The following TUT7 variants were observed in gnomAD, a reference collection of about 807,000 sequenced individuals.
TUT7 encodes the protein terminal uridylyl transferase 7.
TUT7 carries 33 observed loss-of-function variants against 165.9 expected under a neutral mutation model. The ratio of observed to expected loss-of-function variants is 0.20; its 90% CI spans 0.15 to 0.27. The LOEUF (loss-of-function observed/expected upper bound fraction) is 0.27. TUT7 is among the 10% of genes least tolerant of loss of function. The probability of loss-of-function intolerance (pLI) is 1.00; values close to 1 mark genes in which losing one functional copy is unlikely to be tolerated. For synonymous variants in TUT7, 552 were observed against 608.1 expected (o/e 0.91, Z 1.36); for missense variants, 1,338 against 1,762.3 (o/e 0.76, Z 4.31).
intron 6 of TUT7, among the ~76,000 whole-genome samples, chr9:86,342,592 T>C (rs768324307): frequency 2.6e-5 from 4 of 152,170 alleles, no homozygotes; most frequent in Non-Finnish European, 5.9e-5. Flanking sequence ...TTTAAAATTC[T>C]AACTCATCAA....
intron 2 of TUT7, among the ~76,000 whole-genome samples, chr9:86,346,985 C>A (rs936999617): frequency 3.3e-5 from 5 of 152,142 alleles, no homozygotes; most frequent in Non-Finnish European, 7.4e-5. Context: ...CTGGACAACT[C>A]AGAAATCAAC....
chr9:86,346,499 T>C lies in TUT7; in HGVS notation c.521-19A>G, dbSNP rs199554002. On this transcript the variant is annotated intron_variant, in intron 2 of 26. Coordinates refer to ENST00000375963, the MANE Select transcript of TUT7 (RefSeq NM_024617.4). ...TTGTTTTCTTAAGGTGGGGGAAAAA[T>C]ATTATTGGCAATATTAAATAATGCC... The C allele has an allele frequency of 3.4e-5, 54 of 1,608,320 alleles. 1 individual carries two copies. The African/African-American group carries it at 4.3e-4, about 13-fold the overall frequency.
At chr9:86,303,794 T>C (rs142453489) in intron 24 of TUT7, among the ~76,000 whole-genome samples, 1 of 152,316 alleles carries the variant, frequency 6.6e-6, no homozygotes, top group Non-Finnish European at 1.5e-5. Flanking sequence ...ATCCTAGACC[T>C]GCTGAATCAG....
rs1826893318 is a variant in TUT7 at position 86,301,469 on chromosome 9, C to T, written c.4227G>A (p.Lys1409=). The T allele has an allele frequency of 6.2e-7, 1 of 1,614,120 alleles. No individual in the cohort carries two copies. The highest frequency in any genetic ancestry group is 1.7e-5 in the Admixed American group (1 of 60,008). ...CTTTCTGAGGTGTGCACTGTATGGG[C>T]TTATCTTCTTTTGTTGACACCTCCC... The part of the protein sequence containing the change: ...TEREVSTKED[K]PIQCTPQKAK... Residue 1409 remains lysine (K), a synonymous_variant, in exon 26 of 27, where the codon AAG becomes AAA. Coordinates refer to ENST00000375963, the MANE Select transcript of TUT7 (RefSeq NM_024617.4).
intron 10 of TUT7, among the ~76,000 whole-genome samples, chr9:86,333,052 A>G (rs754887165): frequency 1.3e-5 from 2 of 152,064 alleles, no homozygotes; most frequent in African/African-American, 2.4e-5. Flanking sequence ...TTTCTGAGTA[A>G]TTCTGGATTG....
intron 1 of TUT7, among the ~76,000 whole-genome samples, chr9:86,353,506 G>A (rs1832478055): frequency 6.6e-6 from 1 of 152,082 alleles, no homozygotes; most frequent in Non-Finnish European, 1.5e-5. Context: ...TTCCAGAACT[G>A]TAGCATAGTA....
At chr9:86,301,226 T>C (rs1475399032) in intron 26 of TUT7, 50 bp downstream of exon 26, 1 of 1,493,080 alleles carries the variant, frequency 6.7e-7, no homozygotes, top group South Asian at 1.3e-5. Flanking sequence ...AAAAAGCAGA[T>C]TTCCCTTGAG....
intron 26 of TUT7, among the ~76,000 whole-genome samples, chr9:86,295,613 C>G (rs1826243133): frequency 6.6e-6 from 1 of 152,116 alleles, no homozygotes; most frequent in Non-Finnish European, 1.5e-5. Context: ...ACAATGAGCT[C>G]TCCCCATACT....
At position 86,323,744 on chromosome 9, in the gene TUT7, T is replaced by A; in HGVS notation, c.2006A>T (p.Asp669Val). 6.2e-7 allele frequency: 1 copy of A among 1,613,650 alleles called. No homozygotes were observed. Among genetic ancestry groups the A allele is most frequent in the Non-Finnish European group, 8.5e-7 (1 of 1,179,674 alleles). ...GGCCAAAACTGAGTTTTTGAGCTTATCATCTTTTGTTTGTACATCTGGATG... is the reference window on the plus strand; with the variant it reads ...GGCCAAAACTGAGTTTTTGAGCTTAACATCTTTTGTTTGTACATCTGGATG... Reference protein sequence around the residue: ...NHHPDVQTKDDKLKNSVLAQG... With the variant: ...NHHPDVQTKDVKLKNSVLAQG... Residue 669 changes from aspartate to valine, a missense_variant, in exon 13 of 27, where the codon GAT (aspartate) becomes GTT (valine). This residue lies in a region of TUT7 where 425 missense variants were observed against 474.9 expected (regional missense o/e 0.89). Coordinates refer to ENST00000375963, the MANE Select transcript of TUT7 (RefSeq NM_024617.4).
intron 21 of TUT7, 112 bp from the exon 22 acceptor site, chr9:86,308,718 C>T: frequency 1.2e-6 from 1 of 816,908 alleles, no homozygotes; most frequent in Non-Finnish European, 1.8e-6. Flanking sequence ...AACTAGAGCT[C>T]AATTATGCAA....
Position 86,322,944 on chromosome 9 carries a change from C to T in TUT7, c.2806G>A (p.Glu936Lys). 6.2e-7 allele frequency: 1 copy of T among 1,611,666 alleles called. No individual in the cohort carries two copies. The highest frequency in any genetic ancestry group is 8.5e-7 in the Non-Finnish European group (1 of 1,179,352). Residue 936 changes from glutamate (E) to lysine (K), a missense_variant, in exon 13 of 27, where the codon GAA becomes AAA. Glu to Lys is a moderately conservative substitution (Grantham distance 56). Around this residue, in one of 7 missense-constraint regions of TUT7, gnomAD observed 425 missense variants for 474.9 expected, o/e 0.89. Coordinates refer to ENST00000375963, the MANE Select transcript of TUT7 (RefSeq NM_024617.4). ...GACTGATCCACAGGTGAATTTTTTT[C>T]TTCACATACATTTTCTTCCTTGAGA... ...ISLKEENVCE[E>K]KNSPVDQSDF...
At chr9:86,312,139 G>A (rs1047841174) in intron 17 of TUT7, among the ~76,000 whole-genome samples, 5 of 151,316 alleles carry the variant, frequency 3.3e-5, no homozygotes, top group Admixed American at 6.6e-5. Flanking sequence ...AGTGAGGAGC[G>A]TCTCTGCCCG....
At chr9:86,309,419 T>C in intron 20 of TUT7, 44 bp downstream of exon 20, 1 of 1,537,246 alleles carries the variant, frequency 6.5e-7, no homozygotes, top group Non-Finnish European at 8.9e-7. Flanking sequence ...GGCTCAGAGA[T>C]CACCAGTTTT....
Position 86,319,621 on chromosome 9 carries a change from C to T in TUT7, c.3078G>A (p.Arg1026=). Residue 1026 remains arginine, a synonymous_variant, in exon 15 of 27, where the codon CGG becomes CGA. Transcript: ENST00000375963. ...IIEDQAREHI[R]QNLESFIRQD... ...GTCTTATGAAACTTTCTAGGTTTTG[C>T]CGAATATGTTCACGAGCCTGATCTT... The T allele has an allele frequency of 6.2e-7, 1 of 1,608,512 alleles. No individual in the cohort carries two copies. The highest frequency in any genetic ancestry group is 8.5e-7 in the Non-Finnish European group (1 of 1,178,312).
intron 25 of TUT7, among the ~76,000 whole-genome samples, chr9:86,302,484 T>C (rs1016843737): frequency 2.6e-5 from 4 of 152,224 alleles, no homozygotes; most frequent in African/African-American, 9.6e-5. Flanking sequence ...CTCACTACTG[T>C]AAAAAGGAAG....
chr9:86,298,446 G>A (rs1004718415), intron 26 of TUT7, among the ~76,000 whole-genome samples: 1 of 152,214 alleles, frequency 6.6e-6, no homozygotes, highest in Non-Finnish European at 1.5e-5. Context: ...TCCAGGAGGA[G>A]AAAACACTGC....
At chr9:86,315,008 T>C (rs1486798018) in intron 17 of TUT7, among the ~76,000 whole-genome samples, 1 of 152,250 alleles carries the variant, frequency 6.6e-6, no homozygotes, top group African/African-American at 2.4e-5. Context: ...TCCCACATTC[T>C]CTCTTCTTAG....
intron 12 of TUT7, chr9:86,324,480 C>CT (rs1829611238): frequency 6.5e-6 from 1 of 152,832 alleles, no homozygotes; most frequent in African/African-American, 2.4e-5. Context: ...TCCCCTAGAA[C>CT]TCCAGCAGGT....
At chr9:86,292,755 C>G (rs898302559) in intron 26 of TUT7, among the ~76,000 whole-genome samples, 7 of 151,910 alleles carry the variant, frequency 4.6e-5, no homozygotes, top group Non-Finnish European at 1.0e-4. Flanking sequence ...ACCTGGGTGA[C>G]AGAGTGAAAC....
Sources: allele counts gnomAD v4.1 joint callset (sites outside exome capture counted in the v4.1 genomes callset), GRCh38; gene constraint gnomAD v4.1.1; regional missense constraint gnomAD v4.1.1; transcripts MANE v1.5; gene names NCBI Gene and HGNC (gene_info 2026-07-23, HGNC 2026-07-21).